The following CRELD2 variants were observed in gnomAD, a reference collection of about 807,000 sequenced individuals.
CRELD2 encodes the protein CRELD disulfide isomerase 2, also known as protein disulfide isomerase CRELD2.
CRELD2 carries 33 observed loss-of-function variants against 48.1 expected under a neutral mutation model. The observed-to-expected ratio is 0.69, with a 90% CI of 0.52 to 0.92. The LOEUF (loss-of-function observed/expected upper bound fraction) is 0.92, where lower values mean the gene tolerates loss of function less well. Among genes scored for constraint, CRELD2 ranks in the 40% least tolerant of loss-of-function variants. The pLI is 0.00. For synonymous variants in CRELD2, 220 were observed against 203.9 expected (o/e 1.08, Z -0.67); for missense variants, 477 against 482.4 (o/e 0.99, Z 0.10).
rs375594394 is a variant in CRELD2, at chr22:49,925,110, G to A, written c.869-307G>A. On this transcript the variant is annotated intron_variant, in intron 8 of 9. Coordinates refer to ENST00000328268, the MANE Select transcript of CRELD2 (RefSeq NM_024324.5). ...CGCGCCACCGCACTCCAGCCTGGGC[G>A]ACAGAGCGAGACTCCGCCTCAAAAA... is the stretch of plus-strand genomic sequence containing the variant. 2.0e-4 allele frequency: 41 copies of A among 201,980 alleles called. No homozygotes were observed. The East Asian group carries it at 2.2e-3, about 11-fold the overall frequency. The allele number at this position is 201,980 out of a possible 1,614,324, so 12.5% of individuals were successfully genotyped here.
Position 49,925,117 on chromosome 22 carries a change from C to T in CRELD2, c.869-300C>T, listed in dbSNP as rs571537869. 95 of 216,404 alleles carry T rather than the reference C, an allele frequency of 4.4e-4. 2 individuals carry two copies. The South Asian group carries it at 5.9e-3, about 14-fold the overall frequency. 13.4% of individuals were successfully genotyped at this position (216,404 alleles called of 1,614,324 possible). A position where few individuals can be genotyped will look rare whatever the true frequency, so the allele number is the denominator to read the frequency against. ...CCGCACTCCAGCCTGGGCGACAGAG[C>T]GAGACTCCGCCTCAAAAAAAAAAAA... is the stretch of plus-strand genomic sequence containing the variant. On this transcript the variant is annotated intron_variant, in intron 8 of 9. Transcript: ENST00000328268.
rs568599282 is a variant in CRELD2, at chr22:49,918,681, G to A, written c.-89G>A. ...GTAGCCTGGGGGACAGGCCGGCGCG[G>A]CTGGGAGCGGGTGGGCGGCCGGGAG... On this transcript the variant is annotated 5_prime_UTR_variant, in exon 1 of 10. Transcript: ENST00000328268. 13 of 440,882 alleles carry A rather than the reference G, an allele frequency of 2.9e-5. No individual in the cohort carries two copies. The highest frequency in any genetic ancestry group is 2.3e-4 in the African/African-American group (11 of 48,784). 27.3% of individuals were successfully genotyped at this position (440,882 alleles called of 1,614,324 possible).
At chr22:49,923,137 G>T in intron 6 of CRELD2, 97 bp from the exon 7 acceptor site, 1 of 970,092 alleles carries the variant, frequency 1.0e-6, no homozygotes, top group Non-Finnish European at 1.5e-6. Context: ...TTCCCCAGCC[G>T]GCCCTGGCCA....
In CRELD2 at chr22:49,921,701, A is replaced by G. The variant is rs752984040; in HGVS notation, c.532A>G (p.Thr178Ala). The G allele has an allele frequency of 6.2e-7, 1 of 1,612,956 alleles. No individual in the cohort carries two copies. Among genetic ancestry groups the G allele is most frequent in the Admixed American group, 1.7e-5 (1 of 60,028 alleles). ...CATGGGGTACCAGGGCCCGCTGTGC[A>G]CTGACTGCATGGACGGCTACTTCAG... ...CHMGYQGPLC[T>A]DCMDGYFSSL... is the part of the protein sequence containing the mutation. Residue 178 changes from threonine to alanine, a missense_variant, in exon 5 of 10, where the codon ACT becomes GCT. Coordinates refer to ENST00000328268, the MANE Select transcript of CRELD2 (RefSeq NM_024324.5).
chr22:49,922,869 T>TGAGGCGTGGGGGCGGGAGGCA, intron 6 of CRELD2, among the ~76,000 whole-genome samples, 162 bp downstream of exon 6: 2 of 26,512 alleles, frequency 7.5e-5, no homozygotes, highest in African/African-American at 8.5e-4. Flanking sequence ...GCTTGGGGTG[T>TGAGGCGTGGGGGCGGGAGGCA]GGGGGGCGTG....
Position 49,923,327 on chromosome 22 carries a change from GCGGGCGGGTC to G in CRELD2, c.772+11_772+20del. 1 of 1,465,976 alleles carries G rather than the reference GCGGGCGGGTC, an allele frequency of 6.8e-7. No homozygotes were observed. Among genetic ancestry groups the G allele is most frequent in the Non-Finnish European group, 9.2e-7 (1 of 1,092,066 alleles). The allele number at this position is 1,465,976 out of a possible 1,614,324, so 90.8% of individuals were successfully genotyped here. A position where few individuals can be genotyped will look rare whatever the true frequency, so the allele number is the denominator to read the frequency against. ...TCCTACACGTGCGAAGGTGGGCCAG[GCGGGCGGGTC>G]TGCACTCCGGGGCCTGCCGGGTTTC... is the stretch of plus-strand genomic sequence containing the variant. On this transcript the variant is annotated intron_variant, in intron 7 of 9. Coordinates refer to ENST00000328268, the MANE Select transcript of CRELD2 (RefSeq NM_024324.5).
At chr22:49,926,981 C>T (rs2060774952) in intron 9 of CRELD2, among the ~76,000 whole-genome samples, 1 of 140,872 alleles carries the variant, frequency 7.1e-6, no homozygotes, top group African/African-American at 2.7e-5. Context: ...GTTCAGGCTC[C>T]CATTCTGCCA....
chr22:49,925,221 A>C, intron 8 of CRELD2, 196 bp from the exon 9 acceptor site: 2 of 485,898 alleles, frequency 4.1e-6, no homozygotes, highest in Non-Finnish European at 7.3e-6. Context: ...TGCATTTTCT[A>C]CCAGTTGAGG....
intron 7 of CRELD2, chr22:49,923,645 T>G: frequency 2.1e-6 from 1 of 474,976 alleles, no homozygotes; most frequent in East Asian, 4.0e-5. Flanking sequence ...CAGCAGCTTG[T>G]TGCGAACGTC....
chr22:49,922,341 C>G, intron 5 of CRELD2: 1 of 1,611,546 alleles, frequency 6.2e-7, no homozygotes, highest in Non-Finnish European at 8.5e-7. Flanking sequence ...CTGTCTGTCT[C>G]TTGGATGTTG....
intron 2 of CRELD2, 138 bp downstream of exon 2, chr22:49,919,450 GC>G: frequency 1.3e-6 from 1 of 784,790 alleles, no homozygotes; most frequent in Non-Finnish European, 2.1e-6. Flanking sequence ...AGTCACCTCG[GC>G]TTCTCCCTGA....
chr22:49,919,063 C>T (rs2060647800), intron 1 of CRELD2, among the ~76,000 whole-genome samples, 165 bp downstream of exon 1: 1 of 138,964 alleles, frequency 7.2e-6, no homozygotes, highest in African/African-American at 2.8e-5. Context: ...AGTCCCTCCA[C>T]CGTGGTCCTG....
At chr22:49,927,122 G>A in intron 9 of CRELD2, 133 bp from the exon 10 acceptor site, 4 of 793,314 alleles carry the variant, frequency 5.0e-6, no homozygotes, top group Non-Finnish European at 8.8e-6. Context: ...AGCTGCCCTT[G>A]GATGGCTGCG....
chr22:49,924,427 C>T lies in CRELD2; in HGVS notation c.840C>T (p.Gly280=). Residue 280 remains glycine, a synonymous_variant, in exon 8 of 10, where the codon GGC becomes GGT. Coordinates refer to ENST00000328268, the MANE Select transcript of CRELD2 (RefSeq NM_024324.5). The stretch of plus-strand genomic sequence containing the variant: ...GAAACTGTAAAGAGTGTATCTCTGG[C>T]TACGCGAGGGAGCACGGACAGTGTG... ...GPGNCKECIS[G]YAREHGQCAD... is the part of the protein sequence containing the mutation. 1 of 1,611,194 alleles carries T rather than the reference C, an allele frequency of 6.2e-7. No individual in the cohort carries two copies. Among genetic ancestry groups the T allele is most frequent in the Non-Finnish European group, 8.5e-7 (1 of 1,178,716 alleles).
At chr22:49,922,018 C>A in intron 5 of CRELD2, 1 of 601,414 alleles carries the variant, frequency 1.7e-6, no homozygotes, top group Non-Finnish European at 2.9e-6. Context: ...CCACCCCGAC[C>A]TTGAGTTGTG....
intron 6 of CRELD2, among the ~76,000 whole-genome samples, 160 bp downstream of exon 6, chr22:49,922,867 T>G (rs1601844210): frequency 9.6e-5 from 3 of 31,296 alleles, no homozygotes; most frequent in Non-Finnish European, 5.7e-5. Flanking sequence ...GGGCTTGGGG[T>G]GTGGGGGGCG....
At chr22:49,919,941 C>CA in intron 3 of CRELD2, 101 bp downstream of exon 3, 1 of 965,174 alleles carries the variant, frequency 1.0e-6, no homozygotes, top group Non-Finnish European at 1.6e-6. Flanking sequence ...AGGGAGCTCC[C>CA]ACCTGCCTCG....
chr22:49,918,875 G>A lies in CRELD2; in HGVS notation c.106G>A (p.Gly36Arg). 1 of 1,299,508 alleles carries A rather than the reference G, an allele frequency of 7.7e-7. No homozygotes were observed. The highest frequency in any genetic ancestry group is 9.8e-7 in the Non-Finnish European group (1 of 1,025,610). 80.5% of individuals were successfully genotyped at this position (1,299,508 alleles called of 1,614,324 possible). Residue 36 changes from glycine (G) to arginine (R), a missense_variant, in exon 1 of 10, where the codon GGG becomes AGG. Coordinates refer to ENST00000328268, the MANE Select transcript of CRELD2 (RefSeq NM_024324.5). The part of the protein sequence containing the change: ...KKPTPCHRCR[G>R]LVDKFNQGMV... The stretch of plus-strand genomic sequence containing the variant: ...GCCGACGCCCTGCCACCGGTGCCGG[G>A]GGCTGGTGGACAAGTTTAACCAGGT...
chr22:49,919,666 G>C, intron 2 of CRELD2, 64 bp from the exon 3 acceptor site: 1 of 1,292,546 alleles, frequency 7.7e-7, no homozygotes. Context: ...TGGCGTATTG[G>C]TTCGGATTTT....
Sources: allele counts gnomAD v4.1 joint callset (sites outside exome capture counted in the v4.1 genomes callset), GRCh38; gene constraint gnomAD v4.1.1; transcripts MANE v1.5; gene names NCBI Gene and HGNC (gene_info 2026-07-23, HGNC 2026-07-21).